The following TBL1XR1 variants were observed in gnomAD, a reference collection of about 807,000 sequenced individuals.
The protein encoded by TBL1XR1 is F-box-like/WD repeat-containing protein TBL1XR1.
A neutral mutation model predicts 66.9 loss-of-function variants in TBL1XR1; 5 were observed. The observed-to-expected ratio is 0.07, with a 90% CI of 0.04 to 0.16. The LOEUF (loss-of-function observed/expected upper bound fraction) is 0.16, where lower values mean the gene tolerates loss of function less well. Ranked by LOEUF, TBL1XR1 falls within the 10% of genes least tolerant of loss-of-function variation. The pLI is 1.00. For synonymous variants in TBL1XR1, 210 were observed against 206.0 expected (o/e 1.02, Z -0.17); for missense variants, 238 against 623.2 (o/e 0.38, Z 6.58).
At chr3:177,055,121 A>G (rs1717628532) in intron 3 of TBL1XR1, among the ~76,000 whole-genome samples, 1 of 152,194 alleles carries the variant, frequency 6.6e-6, no homozygotes, top group Non-Finnish European at 1.5e-5. Context: ...TCTTGGTTAA[A>G]CTGATTTAAT....
At chr3:177,046,606 A>T (rs1245483028) in intron 9 of TBL1XR1, among the ~76,000 whole-genome samples, 1 of 152,198 alleles carries the variant, frequency 6.6e-6, no homozygotes, top group Non-Finnish European at 1.5e-5. Flanking sequence ...AGGCAGCTTG[A>T]ATTTTGGCAG....
intron 2 of TBL1XR1, among the ~76,000 whole-genome samples, chr3:177,089,768 A>G (rs565537071): frequency 1.5e-4 from 23 of 152,346 alleles, no homozygotes; most frequent in Middle Eastern, 3.4e-3. Flanking sequence ...TGATCGACAC[A>G]GTTGGTAGAC....
intron 4 of TBL1XR1, among the ~76,000 whole-genome samples, chr3:177,053,551 T>C (rs1025323778): frequency 1.3e-5 from 2 of 152,216 alleles, no homozygotes; most frequent in Admixed American, 1.3e-4. Flanking sequence ...AGTGTTTACT[T>C]ACACAAACAG....
At chr3:177,167,262 T>A (rs1443143804) in intron 1 of TBL1XR1, among the ~76,000 whole-genome samples, 1 of 152,172 alleles carries the variant, frequency 6.6e-6, no homozygotes, top group Admixed American at 6.5e-5. Flanking sequence ...ACATACTACA[T>A]GATTCCAGTT....
chr3:177,103,265 T>G (rs1200478508), intron 1 of TBL1XR1, among the ~76,000 whole-genome samples: 1 of 152,172 alleles, frequency 6.6e-6, no homozygotes, highest in South Asian at 2.1e-4. Context: ...ACTCAAGAAG[T>G]ACATGATCAA....
intron 1 of TBL1XR1, among the ~76,000 whole-genome samples, chr3:177,121,330 G>T (rs541265304): frequency 6.6e-6 from 1 of 152,012 alleles, no homozygotes; most frequent in African/African-American, 2.4e-5. Context: ...AACAGGATAC[G>T]GTAATTCATT....
chr3:177,038,264 C>T (rs1161864358), intron 11 of TBL1XR1, 49 bp downstream of exon 11: 1 of 1,594,488 alleles, frequency 6.3e-7, no homozygotes, highest in Admixed American at 1.7e-5. Flanking sequence ...TATTCTGAAA[C>T]ATTACTTGTT....
At chr3:177,162,796 A>C (rs1240603420) in intron 1 of TBL1XR1, among the ~76,000 whole-genome samples, 1 of 152,258 alleles carries the variant, frequency 6.6e-6, no homozygotes, top group African/African-American at 2.4e-5. Flanking sequence ...GAAATGACTT[A>C]AATATACAAA....
intron 1 of TBL1XR1, among the ~76,000 whole-genome samples, chr3:177,164,281 G>T (rs1044746729): frequency 6.6e-6 from 1 of 151,836 alleles, no homozygotes; most frequent in Non-Finnish European, 1.5e-5. Flanking sequence ...CTCCTGCAAA[G>T]ACCTTCAAAT....
chr3:177,076,802 G>T (rs183503637), intron 2 of TBL1XR1, among the ~76,000 whole-genome samples: 26 of 152,348 alleles, frequency 1.7e-4, no homozygotes, highest in Admixed American at 1.7e-3. Context: ...TGTAGAGGTT[G>T]AATGTATTAC....
rs1712270048 is a variant in TBL1XR1 at position 177,020,933 on chromosome 3, T to C, written c.*4565A>G. On this transcript the variant is annotated 3_prime_UTR_variant, in exon 16 of 16. Coordinates refer to ENST00000457928, the MANE Select transcript of TBL1XR1 (RefSeq NM_024665.7). ...ATGTGGAACTAAAATACGTCGTAAG[T>C]GTAATTAACATGGTCCAGGACAGCA... 6.6e-6 allele frequency: 1 copy of C among 152,122 alleles called. No individual in the cohort carries two copies. The highest frequency in any genetic ancestry group is 2.4e-5 in the African/African-American group (1 of 41,432). 9.4% of individuals were successfully genotyped at this position (152,122 alleles called of 1,614,324 possible).
At chr3:177,047,945 A>T (rs1716539067) in intron 7 of TBL1XR1, 1 of 177,186 alleles carries the variant, frequency 5.6e-6, no homozygotes, top group Non-Finnish European at 1.2e-5. Flanking sequence ...ACTTTAAAAT[A>T]TGATTAGAAG....
chr3:177,154,821 C>T (rs183097261), intron 1 of TBL1XR1, among the ~76,000 whole-genome samples: 1 of 152,234 alleles, frequency 6.6e-6, no homozygotes, highest in East Asian at 1.9e-4. Flanking sequence ...CTCGTATTTA[C>T]AGAAAACATC....
chr3:177,144,114 A>G (rs1288769081), intron 1 of TBL1XR1, among the ~76,000 whole-genome samples: 1 of 152,040 alleles, frequency 6.6e-6, no homozygotes, highest in Non-Finnish European at 1.5e-5. Context: ...GCATGGTGCT[A>G]TATGCCTGTA....
intron 12 of TBL1XR1, among the ~76,000 whole-genome samples, chr3:177,034,940 T>TG (rs1472670673): frequency 1.4e-5 from 2 of 139,248 alleles, no homozygotes; most frequent in East Asian, 2.6e-4. Flanking sequence ...AGAGTATTTC[T>TG]GGGAAAAAAA....
At chr3:177,124,316 C>G (rs1016079613) in intron 1 of TBL1XR1, among the ~76,000 whole-genome samples, 1 of 152,068 alleles carries the variant, frequency 6.6e-6, no homozygotes, top group Non-Finnish European at 1.5e-5. Flanking sequence ...ACATGACTAA[C>G]TAGAAATCCC....
chr3:177,141,438 T>G (rs1035878861), intron 1 of TBL1XR1, among the ~76,000 whole-genome samples: 12 of 152,314 alleles, frequency 7.9e-5, no homozygotes, highest in African/African-American at 2.9e-4. Flanking sequence ...TGCATTAGGT[T>G]ATCAACAGAA....
chr3:177,102,582 T>C (rs1724360027), intron 1 of TBL1XR1, among the ~76,000 whole-genome samples: 1 of 152,208 alleles, frequency 6.6e-6, no homozygotes, highest in Non-Finnish European at 1.5e-5. Context: ...TTGAAACTAT[T>C]GAAACTATTT....
At chr3:177,145,323 G>A (rs1245361975) in intron 1 of TBL1XR1, among the ~76,000 whole-genome samples, 5 of 152,100 alleles carry the variant, frequency 3.3e-5, no homozygotes, top group African/African-American at 1.2e-4. Context: ...GCACTACAAT[G>A]GCAGCACTGC....
Sources: allele counts gnomAD v4.1 joint callset (sites outside exome capture counted in the v4.1 genomes callset), GRCh38; gene constraint gnomAD v4.1.1; transcripts MANE v1.5; gene names NCBI Gene and HGNC (gene_info 2026-07-23, HGNC 2026-07-21).